The following LANCL2 variants were observed in gnomAD, a reference collection of about 807,000 sequenced individuals.
LANCL2 encodes lanC-like protein 2.
LANCL2 carries 33 observed loss-of-function variants against 56.9 expected under a neutral mutation model. The observed-to-expected ratio is 0.58, with a 90% CI of 0.44 to 0.78. LANCL2 has a LOEUF of 0.78. Ranked by LOEUF, LANCL2 falls within the 30% of genes least tolerant of loss-of-function variation. The pLI, the probability that LANCL2 is intolerant of heterozygous loss-of-function variation, is 0.00. For missense variants in LANCL2, 562 were observed against 580.2 expected, an observed-to-expected ratio of 0.97 and a Z score of 0.32; for synonymous variants, 233 against 228.2, an observed-to-expected ratio of 1.02 and a Z score of -0.19.
intron 5 of LANCL2, among the ~76,000 whole-genome samples, chr7:55,410,661 A>T (rs1790460295): frequency 6.6e-6 from 1 of 152,228 alleles, no homozygotes; most frequent in Admixed American, 6.5e-5. Flanking sequence ...CTTTAGCAAT[A>T]TGCGGATTTA....
chr7:55,379,598 C>T (rs1790042912), intron 1 of LANCL2: 1 of 152,588 alleles, frequency 6.6e-6, no homozygotes, highest in South Asian at 2.1e-4. Context: ...AGAGGTATCC[C>T]CTATTTATTC....
chr7:55,366,327 C>G, intron 1 of LANCL2, 98 bp downstream of exon 1: 1 of 1,073,866 alleles, frequency 9.3e-7, no homozygotes, highest in South Asian at 1.8e-5. Context: ...GCGCGCCGGG[C>G]TTGGGAGGGC....
intron 6 of LANCL2, among the ~76,000 whole-genome samples, chr7:55,421,678 A>C (rs975579689): frequency 6.6e-6 from 1 of 150,508 alleles, no homozygotes; most frequent in African/African-American, 2.4e-5. Context: ...CTATTTGCGT[A>C]TTTTTTTTAC....
At chr7:55,368,549 C>G (rs1329845725) in intron 1 of LANCL2, among the ~76,000 whole-genome samples, 2 of 152,122 alleles carry the variant, frequency 1.3e-5, no homozygotes, top group East Asian at 1.9e-4. Flanking sequence ...TGAACACTGT[C>G]TTCCCTATTA....
At position 55,366,053 on chromosome 7, in the gene LANCL2, AAGCTCCACCT is replaced by A; in HGVS notation, c.29_38del (p.Lys10ArgfsTer62). ...GGGCGAGACCATGTCAAAGAGGCTG[AAGCTCCACCT>A]GGGAGGGGAGGCAGAAATGGAGGAA... is the stretch of plus-strand genomic sequence containing the variant. On this transcript the variant is annotated frameshift_variant, in exon 1 of 9. Coordinates refer to ENST00000254770, the MANE Select transcript of LANCL2 (RefSeq NM_018697.4). LOFTEE classifies it high-confidence loss of function. The A allele has an allele frequency of 6.6e-7, 1 of 1,519,980 alleles. No individual in the cohort carries two copies. The highest frequency in any genetic ancestry group is 1.2e-5 in the South Asian group (1 of 81,858). 94.2% of individuals were successfully genotyped at this position (1,519,980 alleles called of 1,614,324 possible).
intron 6 of LANCL2, among the ~76,000 whole-genome samples, chr7:55,419,700 C>A (rs1171574940): frequency 6.6e-6 from 1 of 152,106 alleles, no homozygotes; most frequent in Non-Finnish European, 1.5e-5. Flanking sequence ...CCACTCTGGC[C>A]TCTCTTTTAT....
chr7:55,412,683 T>G (rs1562867446), intron 6 of LANCL2, among the ~76,000 whole-genome samples: 1 of 152,218 alleles, frequency 6.6e-6, no homozygotes, highest in East Asian at 1.9e-4. Context: ...ATTTATCATT[T>G]AAGATTTATC....
At chr7:55,382,639 T>C (rs1402699451) in intron 1 of LANCL2, among the ~76,000 whole-genome samples, 2 of 152,174 alleles carry the variant, frequency 1.3e-5, no homozygotes, top group East Asian at 3.9e-4. Flanking sequence ...CAGTGGGTTC[T>C]TCTTGCTGTC....
At chr7:55,425,203 CTCA>C in intron 6 of LANCL2, 48 bp from the exon 7 acceptor site, 1 of 1,570,664 alleles carries the variant, frequency 6.4e-7, no homozygotes, top group Non-Finnish European at 8.7e-7. Context: ...ATTTTGCCAA[CTCA>C]TCGTTGAAAC....
intron 6 of LANCL2, among the ~76,000 whole-genome samples, chr7:55,416,694 A>G (rs1790543664): frequency 2.0e-5 from 3 of 152,174 alleles, no homozygotes; most frequent in South Asian, 2.1e-4. Flanking sequence ...TCAGATATAT[A>G]TCGTACAAAT....
intron 7 of LANCL2, 64 bp from the exon 8 acceptor site, chr7:55,428,311 C>T: frequency 7.0e-7 from 1 of 1,420,398 alleles, no homozygotes; most frequent in Non-Finnish European, 1.0e-6. Context: ...ACATTGCATT[C>T]TCATTTATTG....
At chr7:55,381,014 C>A (rs925502062) in intron 1 of LANCL2, among the ~76,000 whole-genome samples, 1 of 151,828 alleles carries the variant, frequency 6.6e-6, no homozygotes, top group Non-Finnish European at 1.5e-5. Context: ...TGGGATTACA[C>A]GCGTGTGCCA....
At chr7:55,377,835 C>A (rs1323943492) in intron 1 of LANCL2, among the ~76,000 whole-genome samples, 2 of 152,206 alleles carry the variant, frequency 1.3e-5, no homozygotes, top group Admixed American at 6.5e-5. Context: ...TTAACTGCTC[C>A]TGCTGTTTCT....
intron 1 of LANCL2, among the ~76,000 whole-genome samples, chr7:55,372,725 A>T (rs941151983): frequency 6.6e-6 from 1 of 152,342 alleles, no homozygotes; most frequent in Middle Eastern, 3.4e-3. Context: ...TGATAATGAA[A>T]AATTTGTTTA....
intron 1 of LANCL2, among the ~76,000 whole-genome samples, chr7:55,374,331 T>C (rs1789977745): frequency 1.3e-5 from 2 of 152,370 alleles, no homozygotes; most frequent in East Asian, 1.9e-4. Context: ...TTTTCTGTTA[T>C]ATTACTGAGT....
chr7:55,413,548 C>G (rs888396271), intron 6 of LANCL2, among the ~76,000 whole-genome samples: 6 of 152,224 alleles, frequency 3.9e-5, no homozygotes. Flanking sequence ...GACCCTTCCT[C>G]CTGGGCAGTT....
chr7:55,402,173 T>C (rs1167055086), intron 5 of LANCL2, among the ~76,000 whole-genome samples: 1 of 148,924 alleles, frequency 6.7e-6, no homozygotes, highest in African/African-American at 2.5e-5. Flanking sequence ...GCAGAGGGGC[T>C]CCTCACTTCC....
chr7:55,428,243 A>C (rs905004035), intron 7 of LANCL2, 132 bp from the exon 8 acceptor site: 25 of 756,746 alleles, frequency 3.3e-5, no homozygotes, highest in Admixed American at 3.1e-4. Flanking sequence ...GCAGTAGCCC[A>C]TGGAGCCCAC....
At chr7:55,381,636 C>T (rs1320431943) in intron 1 of LANCL2, among the ~76,000 whole-genome samples, 5 of 152,154 alleles carry the variant, frequency 3.3e-5, no homozygotes, top group African/African-American at 1.2e-4. Flanking sequence ...ATAGGTTTTC[C>T]TCTTACCCCT....
Sources: gnomAD v4.1 joint callset for allele counts (sites outside exome capture counted in the v4.1 genomes callset) on GRCh38, gnomAD v4.1.1 for gene constraint, MANE v1.5 for transcripts, NCBI Gene and HGNC (gene_info 2026-07-23, HGNC 2026-07-21) for gene names.